Variants in GPR137B observed in about 807,000 individuals in gnomAD.
GPR137B encodes the protein integral membrane protein GPR137B.
In GPR137B, 42 loss-of-function variants were observed where a neutral mutation model predicts 42.5. That is an observed-to-expected ratio of 0.99 (90% CI 0.77 to 1.28). The LOEUF (loss-of-function observed/expected upper bound fraction) is 1.28, where lower values mean the gene tolerates loss of function less well. GPR137B is among the 50% of genes most tolerant of loss of function. GPR137B has a pLI of 0.00. For synonymous variants in GPR137B, 218 were observed against 209.7 expected (o/e 1.04, Z -0.34); for missense variants, 487 against 493.9 (o/e 0.99, Z 0.13).
At chr1:236,184,827 C>T (rs370187562) in intron 5 of GPR137B, among the ~76,000 whole-genome samples, 1 of 151,916 alleles carries the variant, frequency 6.6e-6, no homozygotes, top group Non-Finnish European at 1.5e-5. Context: ...AGTGTAGTGG[C>T]GCGATCTCAG....
intron 1 of GPR137B, among the ~76,000 whole-genome samples, chr1:236,145,335 C>A (rs188696258): frequency 3.9e-5 from 6 of 152,274 alleles, no homozygotes; most frequent in African/African-American, 1.4e-4. Context: ...GTTGCTTGGG[C>A]CCCCATCTCA....
At chr1:236,179,154 G>C (rs1377275086) in intron 3 of GPR137B, among the ~76,000 whole-genome samples, 3 of 151,886 alleles carry the variant, frequency 2.0e-5, no homozygotes, top group African/African-American at 4.8e-5. Flanking sequence ...TGAATCATAG[G>C]TTGTCAGAAT....
At chr1:236,167,994 A>G (rs1662409281) in intron 1 of GPR137B, among the ~76,000 whole-genome samples, 2 of 152,206 alleles carry the variant, frequency 1.3e-5, no homozygotes, top group African/African-American at 4.8e-5. Context: ...AAACAGTCCA[A>G]TTTGATACTT....
chr1:236,151,667 C>T (rs1350615588), intron 1 of GPR137B, among the ~76,000 whole-genome samples: 1 of 152,118 alleles, frequency 6.6e-6, no homozygotes, highest in Non-Finnish European at 1.5e-5. Flanking sequence ...CATGATCCGC[C>T]TGCCTCGGCC....
intron 1 of GPR137B, among the ~76,000 whole-genome samples, chr1:236,165,590 C>T (rs1662326339): frequency 6.6e-6 from 1 of 152,150 alleles, no homozygotes; most frequent in African/African-American, 2.4e-5. Flanking sequence ...GTTATCGTTA[C>T]TCTTATTAAG....
chr1:236,178,254 C>A (rs1289658320), intron 2 of GPR137B, among the ~76,000 whole-genome samples, 160 bp from the exon 3 acceptor site: 1 of 152,124 alleles, frequency 6.6e-6, no homozygotes, highest in Non-Finnish European at 1.5e-5. Context: ...AATTTGGGGT[C>A]AGTTTGTAAT....
At chr1:236,173,232 A>G (rs1662595508) in intron 2 of GPR137B, among the ~76,000 whole-genome samples, 1 of 149,828 alleles carries the variant, frequency 6.7e-6, no homozygotes, top group African/African-American at 2.4e-5. Flanking sequence ...TTGAAGCTGC[A>G]GTGAGCTGTG....
chr1:236,199,338 T>A (rs1277134145), intron 5 of GPR137B, among the ~76,000 whole-genome samples: 1 of 152,300 alleles, frequency 6.6e-6, no homozygotes, highest in East Asian at 1.9e-4. Flanking sequence ...TCTATGTTCA[T>A]CAGGGATAAA....
intron 2 of GPR137B, among the ~76,000 whole-genome samples, chr1:236,173,092 A>G (rs1260006121): frequency 1.3e-5 from 2 of 151,420 alleles, no homozygotes; most frequent in African/African-American, 4.8e-5. Context: ...CAGGAGTTCA[A>G]GACCAGCCGT....
intron 5 of GPR137B, among the ~76,000 whole-genome samples, chr1:236,193,278 G>A (rs1405365725): frequency 6.6e-6 from 1 of 152,158 alleles, no homozygotes; most frequent in Admixed American, 6.5e-5. Context: ...GTGGATATGA[G>A]TGGACATTTG....
intron 1 of GPR137B, among the ~76,000 whole-genome samples, chr1:236,153,838 G>A (rs1279773734): frequency 1.3e-5 from 2 of 152,202 alleles, no homozygotes; most frequent in Non-Finnish European, 2.9e-5. Context: ...GGTTTTTGCT[G>A]CTATTTAAAT....
chr1:236,192,036 A>G (rs372128523), intron 5 of GPR137B, among the ~76,000 whole-genome samples: 13 of 152,282 alleles, frequency 8.5e-5, no homozygotes, highest in African/African-American at 2.9e-4. Context: ...AGAGAGGAGA[A>G]ATCTGGCAGT....
rs551553657 is a variant in GPR137B, at chr1:236,180,359, T to G, written c.837+331T>G. ...TTGAGTCTGCAGATGTGGAACCCGC[T>G]GATATGGAGGGCCGACTGTTTGCAT... On this transcript the variant is annotated intron_variant, in intron 4 of 6. Transcript: ENST00000366592. 7.3e-5 allele frequency among the ~76,000 whole-genome samples: 11 copies of G among 150,166 alleles called. 1 individual carries two copies. The South Asian group carries it at 2.3e-3, about 31-fold the overall frequency.
In GPR137B at chr1:236,142,952, C is replaced by T. The variant is rs750640487; in HGVS notation, c.330C>T (p.Ser110=). ...ACTTCGTGGCGGCCAATTCGCTCAG[C>T]CCCTTCGTCTTCTGGCTGCTCTACT... ...FKDFVAANSL[S]PFVFWLLYCF... The change falls in exon 1 of 7, where the codon AGC becomes AGT. Residue 110 remains serine (S), a synonymous_variant. Transcript: ENST00000366592. 2 of 1,614,124 alleles carry T rather than the reference C, an allele frequency of 1.2e-6. No homozygotes were observed. The highest frequency in any genetic ancestry group is 1.7e-6 in the Non-Finnish European group (2 of 1,179,942).
chr1:236,158,289 G>A (rs1410103942), intron 1 of GPR137B, among the ~76,000 whole-genome samples: 1 of 152,176 alleles, frequency 6.6e-6, no homozygotes, highest in South Asian at 2.1e-4. Context: ...GCCGGGTGTG[G>A]TTGCACGTGC....
chr1:236,143,661 G>C (rs12095039), intron 1 of GPR137B, among the ~76,000 whole-genome samples: 33,604 of 152,116 alleles, frequency 0.22, 5,044 homozygotes, highest in African/African-American at 0.42. Context: ...GCTCATCAGA[G>C]TTACTGTCTG....
intron 3 of GPR137B, among the ~76,000 whole-genome samples, chr1:236,179,494 G>A (rs1662804536): frequency 1.3e-5 from 2 of 152,094 alleles, no homozygotes; most frequent in Non-Finnish European, 2.9e-5. Flanking sequence ...TTGTTTACTT[G>A]CCTCCTTGAG....
At chr1:236,145,073 T>C (rs1260408011) in intron 1 of GPR137B, among the ~76,000 whole-genome samples, 1 of 152,184 alleles carries the variant, frequency 6.6e-6, no homozygotes. Flanking sequence ...CAGCAAAGGC[T>C]TTTCGCCTGA....
intron 5 of GPR137B, among the ~76,000 whole-genome samples, chr1:236,185,055 C>T (rs1172524402): frequency 6.6e-6 from 1 of 152,232 alleles, no homozygotes; most frequent in Non-Finnish European, 1.5e-5. Context: ...GCGTGGGCCA[C>T]CGCACCCGTC....
Sources: allele counts gnomAD v4.1 joint callset (sites outside exome capture counted in the v4.1 genomes callset), GRCh38; gene constraint gnomAD v4.1.1; transcripts MANE v1.5; gene names NCBI Gene and HGNC (gene_info 2026-07-23, HGNC 2026-07-21).